PARG: variants seen among roughly 807,000 people sequenced by gnomAD.
The protein encoded by PARG is poly(ADP-ribose) glycohydrolase.
PARG carries 35 observed loss-of-function variants against 113.0 expected under a neutral mutation model. The ratio of observed to expected loss-of-function variants is 0.31; its 90% CI spans 0.24 to 0.41. The LOEUF (loss-of-function observed/expected upper bound fraction) is 0.41. Among genes scored for constraint, PARG ranks in the 10% least tolerant of loss-of-function variants. The probability of loss-of-function intolerance (pLI) is 1.00; values close to 1 mark genes in which losing one functional copy is unlikely to be tolerated. For synonymous variants in PARG, 330 were observed against 409.9 expected, an observed-to-expected ratio of 0.81 and a Z score of 2.36; for missense variants, 797 against 1,169.4, an observed-to-expected ratio of 0.68 and a Z score of 4.64.
At chr10:49,819,571 TATCTTA>T (rs1196734304) in intron 17 of PARG, 77 bp from the exon 18 acceptor site, 90 of 1,079,546 alleles carry the variant, frequency 8.3e-5, no homozygotes, top group Non-Finnish European at 9.9e-5. Context: ...ACTCCAGTTT[TATCTTA>T]ATCTAAATGG....
At chr10:49,819,592 T>C (rs1843966621) in intron 17 of PARG, 98 bp from the exon 18 acceptor site, 4 of 865,564 alleles carry the variant, frequency 4.6e-6, no homozygotes, top group Non-Finnish European at 7.2e-6. Flanking sequence ...AAATGGCATA[T>C]GCTCAGACTT....
At chr10:49,841,909 G>T in intron 15 of PARG, 41 bp downstream of exon 15, 1 of 1,266,470 alleles carries the variant, frequency 7.9e-7, no homozygotes, top group South Asian at 1.3e-5. Context: ...GCAGTAAATA[G>T]ATGACAGCTG....
At chr10:49,926,425 T>C (rs1838167686) in intron 4 of PARG, among the ~76,000 whole-genome samples, 1 of 152,042 alleles carries the variant, frequency 6.6e-6, no homozygotes, top group African/African-American at 2.4e-5. Context: ...AGCCACAAGA[T>C]GTGTTGCTCC....
rs1364295172 is a variant in PARG, at chr10:49,920,464, ATATATATAT to A, written c.1662+1863_1662+1871del. 2.8e-3 allele frequency among the ~76,000 whole-genome samples: 129 copies of A among 45,730 alleles called. 4 individuals carry two copies. The highest frequency in any genetic ancestry group is 0.011 in the Middle Eastern group (1 of 90). 30.0% of individuals were successfully genotyped at this position (45,730 alleles called of 152,430 possible). A position where few individuals can be genotyped will look rare whatever the true frequency, so the allele number is the denominator to read the frequency against. On this transcript the variant is annotated intron_variant, in intron 6 of 17. Coordinates refer to ENST00000616448, the MANE Select transcript of PARG (RefSeq NM_003631.5). ...CCAGCCTCAAATTAAAAAAAAAAAA[ATATATATAT>A]ATATATATATATATATATATATATA... is the stretch of plus-strand genomic sequence containing the variant.
At chr10:49,869,923 G>A (rs1412787897) in intron 9 of PARG, among the ~76,000 whole-genome samples, 3 of 152,130 alleles carry the variant, frequency 2.0e-5, no homozygotes, top group Admixed American at 6.5e-5. Flanking sequence ...ATGTTACTAC[G>A]TAGTTTGATA....
chr10:49,868,604 T>G (rs1310001096), intron 10 of PARG, among the ~76,000 whole-genome samples: 1 of 152,174 alleles, frequency 6.6e-6, no homozygotes, highest in Admixed American at 6.5e-5. Flanking sequence ...CAAAGACATA[T>G]TTTAAGACAA....
In PARG at chr10:49,842,192, CAAAAG is replaced by C. The variant is rs1845277497; in HGVS notation, c.2433-139_2433-135del. 6 of 636,002 alleles carry C rather than the reference CAAAAG, an allele frequency of 9.4e-6. No individual in the cohort carries two copies. The South Asian group carries it at 1.1e-4, about 12-fold the overall frequency. The allele number at this position is 636,002 out of a possible 1,614,324, so 39.4% of individuals were successfully genotyped here. A position where few individuals can be genotyped will look rare whatever the true frequency, so the allele number is the denominator to read the frequency against. Reference sequence around the variant, plus strand: ...ACAAACCAGTGTCTGCAGGTCTGAGCAAAAGGAAAGGAAAGGAAACACCCTTTATT... The same window carrying C: ...ACAAACCAGTGTCTGCAGGTCTGAGCGAAAGGAAAGGAAACACCCTTTATT... On this transcript the variant is annotated intron_variant, in intron 14 of 17. Transcript: ENST00000616448.
At chr10:49,853,421 A>G (rs1554834518) in intron 13 of PARG, among the ~76,000 whole-genome samples, 2 of 151,906 alleles carry the variant, frequency 1.3e-5, no homozygotes, top group African/African-American at 4.8e-5. Flanking sequence ...TCCCTACAAT[A>G]GTATGAGACC....
chr10:49,916,194 G>C (rs1554847590), intron 6 of PARG, among the ~76,000 whole-genome samples: 1 of 152,046 alleles, frequency 6.6e-6, no homozygotes, highest in African/African-American at 2.4e-5. Context: ...AAAAAAATGA[G>C]ATTAGAAAGG....
At chr10:49,850,430 C>A (rs1417259631) in intron 13 of PARG, among the ~76,000 whole-genome samples, 6 of 151,800 alleles carry the variant, frequency 4.0e-5, no homozygotes, top group African/African-American at 1.5e-4. Flanking sequence ...TTCATTCAAA[C>A]CCACAAAGCC....
At chr10:49,888,383 A>C (rs1476390124) in intron 7 of PARG, among the ~76,000 whole-genome samples, 1 of 151,662 alleles carries the variant, frequency 6.6e-6, no homozygotes, top group Non-Finnish European at 1.5e-5. Context: ...CTGTTTCAGG[A>C]AATTTCTTTA....
chr10:49,897,747 C>G (rs1433210287), intron 7 of PARG, among the ~76,000 whole-genome samples: 2 of 152,300 alleles, frequency 1.3e-5, no homozygotes, highest in East Asian at 3.9e-4. Flanking sequence ...GTGGCTCACA[C>G]CTATAACCCC....
At chr10:49,907,808 TAG>T (rs1836937686) in intron 7 of PARG, among the ~76,000 whole-genome samples, 1 of 152,278 alleles carries the variant, frequency 6.6e-6, no homozygotes, top group African/African-American at 2.4e-5. Context: ...AGCTAGCTGA[TAG>T]AGATATAAAT....
intron 7 of PARG, among the ~76,000 whole-genome samples, chr10:49,899,125 C>G (rs1299534411): frequency 3.9e-5 from 6 of 152,198 alleles, no homozygotes; most frequent in Non-Finnish European, 8.8e-5. Context: ...CTTTCAGAAT[C>G]TCTATTACTC....
chr10:49,851,513 T>C (rs199667198), intron 13 of PARG, among the ~76,000 whole-genome samples: 2 of 152,120 alleles, frequency 1.3e-5, no homozygotes, highest in African/African-American at 2.4e-5. Context: ...ACCAGTCCTA[T>C]AAGCAATGGT....
At chr10:49,900,268 C>G (rs1293370552) in intron 7 of PARG, among the ~76,000 whole-genome samples, 1 of 151,940 alleles carries the variant, frequency 6.6e-6, no homozygotes, top group Non-Finnish European at 1.5e-5. Flanking sequence ...TGCTGTGTTT[C>G]TAGTGACAGA....
At chr10:49,920,625 T>C (rs1380113095) in intron 6 of PARG, among the ~76,000 whole-genome samples, 1 of 147,164 alleles carries the variant, frequency 6.8e-6, no homozygotes, top group East Asian at 2.0e-4. Context: ...CGTATATATA[T>C]ACATGTATAT....
intron 13 of PARG, among the ~76,000 whole-genome samples, chr10:49,848,116 C>T (rs1386952688): frequency 2.0e-5 from 3 of 150,830 alleles, no homozygotes; most frequent in African/African-American, 4.9e-5. Context: ...TTTGGGAGGT[C>T]GAGGCGGGCG....
intron 7 of PARG, among the ~76,000 whole-genome samples, chr10:49,901,227 C>T (rs1554843725): frequency 1.3e-5 from 2 of 151,118 alleles, no homozygotes; most frequent in African/African-American, 2.4e-5. Context: ...CCTCCTGCCT[C>T]GGCCTCCCAA....
Sources: gnomAD v4.1 joint callset for allele counts (sites outside exome capture counted in the v4.1 genomes callset) on GRCh38, gnomAD v4.1.1 for gene constraint, MANE v1.5 for transcripts, NCBI Gene and HGNC (gene_info 2026-07-23, HGNC 2026-07-21) for gene names.